The following CTNND2 variants were observed in gnomAD, a reference collection of about 807,000 sequenced individuals.
CTNND2 encodes the protein catenin delta-2.
A neutral mutation model predicts 144.4 loss-of-function variants in CTNND2; 22 were observed. That is an observed-to-expected ratio of 0.15 (90% CI 0.11 to 0.22). The LOEUF (loss-of-function observed/expected upper bound fraction) is 0.22, where lower values mean the gene tolerates loss of function less well. Ranked by LOEUF, CTNND2 falls within the 10% of genes least tolerant of loss-of-function variation. The pLI, the probability that CTNND2 is intolerant of heterozygous loss-of-function variation, is 1.00. For missense variants in CTNND2, 1,353 were observed against 1,618.8 expected (o/e 0.84, Z 2.82); for synonymous variants, 751 against 695.6 (o/e 1.08, Z -1.25).
intron 9 of CTNND2, among the ~76,000 whole-genome samples, chr5:11,262,679 G>A (rs189297892): frequency 0.014 from 2,102 of 146,748 alleles, 23 homozygotes; most frequent in Middle Eastern, 0.04. Context: ...GGAGAATGGC[G>A]TGAACCCAGG....
intron 11 of CTNND2, among the ~76,000 whole-genome samples, chr5:11,180,145 T>A (rs1189662305): frequency 2.6e-5 from 4 of 152,018 alleles, no homozygotes; most frequent in African/African-American, 9.7e-5. Flanking sequence ...GGGGGGTGGT[T>A]TCCCCCATGC....
rs576629535 is a variant in CTNND2, at chr5:11,898,711, C to A, written c.37+5106G>T. Among the ~76,000 whole-genome samples the A allele has an allele frequency of 8.5e-5, 13 of 152,180 alleles. No individual in the cohort carries two copies. In the East Asian group the frequency reaches 9.6e-4, roughly 11 times the overall value. ...ACTTTGATCCAAAAAAACAAAAAAACCCAGTAAGGCCTTTTATCATAACAT... is the reference window on the plus strand; with the variant it reads ...ACTTTGATCCAAAAAAACAAAAAAAACCAGTAAGGCCTTTTATCATAACAT... On this transcript the variant is annotated intron_variant, in intron 1 of 21. Transcript: ENST00000304623.
chr5:11,137,275 A>G (rs1268259802), intron 12 of CTNND2, among the ~76,000 whole-genome samples: 1 of 152,198 alleles, frequency 6.6e-6, no homozygotes, highest in East Asian at 1.9e-4. Context: ...TTTTATTGGG[A>G]GCATGTTGAT....
At chr5:11,100,537 T>C (rs980739146) in intron 14 of CTNND2, among the ~76,000 whole-genome samples, 4 of 152,166 alleles carry the variant, frequency 2.6e-5, no homozygotes, top group Non-Finnish European at 4.4e-5. Context: ...AAAAAGACAG[T>C]AGTCATTCTG....
chr5:11,323,189 C>G (rs896244481), intron 9 of CTNND2, among the ~76,000 whole-genome samples: 11 of 149,148 alleles, frequency 7.4e-5, no homozygotes, highest in Non-Finnish European at 1.5e-4. Flanking sequence ...CAGTGTGCAC[C>G]ACCACTGCCC....
chr5:11,134,601 C>T (rs1396487374), intron 12 of CTNND2, among the ~76,000 whole-genome samples: 1 of 152,210 alleles, frequency 6.6e-6, no homozygotes, highest in East Asian at 1.9e-4. Flanking sequence ...TAACGTATTT[C>T]AAAAGTTTTA....
intron 3 of CTNND2, among the ~76,000 whole-genome samples, chr5:11,447,255 T>C (rs1039622769): frequency 1.3e-5 from 2 of 151,804 alleles, no homozygotes; most frequent in Non-Finnish European, 2.9e-5. Flanking sequence ...GGCAGGAGAA[T>C]TGCTTGAACC....
intron 9 of CTNND2, among the ~76,000 whole-genome samples, chr5:11,261,126 G>T (rs547867030): frequency 3.3e-5 from 5 of 152,094 alleles, no homozygotes; most frequent in African/African-American, 4.8e-5. Flanking sequence ...CCTTGGCCCA[G>T]AAAGGACTTG....
intron 9 of CTNND2, among the ~76,000 whole-genome samples, chr5:11,299,819 C>G (rs1749397729): frequency 6.6e-6 from 1 of 152,148 alleles, no homozygotes; most frequent in Non-Finnish European, 1.5e-5. Context: ...GATCTGAAGT[C>G]TTGGACCTTC....
At chr5:11,499,686 C>T (rs1202240138) in intron 3 of CTNND2, among the ~76,000 whole-genome samples, 1 of 152,278 alleles carries the variant, frequency 6.6e-6, no homozygotes, top group Non-Finnish European at 1.5e-5. Flanking sequence ...AACCCTATCA[C>T]CTGATTTCAA....
chr5:11,018,899 G>T (rs1301599221), intron 17 of CTNND2, among the ~76,000 whole-genome samples: 1 of 151,938 alleles, frequency 6.6e-6, no homozygotes, highest in Non-Finnish European at 1.5e-5. Context: ...AGTAGAGATG[G>T]GGTTTCACCA....
At chr5:11,699,884 C>T (rs575585311) in intron 2 of CTNND2, among the ~76,000 whole-genome samples, 67 of 152,136 alleles carry the variant, frequency 4.4e-4, no homozygotes, top group Non-Finnish European at 7.4e-4. Context: ...TCAATCAAAT[C>T]CCCAGGTGGG....
intron 1 of CTNND2, among the ~76,000 whole-genome samples, chr5:11,841,017 T>A (rs2126982648): frequency 6.6e-6 from 1 of 152,300 alleles, no homozygotes; most frequent in East Asian, 1.9e-4. Context: ...ACATTTTCAT[T>A]GAATTCTCAC....
chr5:11,539,357 C>T (rs934336890), intron 3 of CTNND2, among the ~76,000 whole-genome samples: 6 of 152,296 alleles, frequency 3.9e-5, no homozygotes, highest in African/African-American at 1.2e-4. Context: ...CAGGGCCCAG[C>T]CCATGTCTGC....
intron 1 of CTNND2, among the ~76,000 whole-genome samples, chr5:11,739,151 T>C (rs1787858014): frequency 6.6e-6 from 1 of 152,182 alleles, no homozygotes; most frequent in Non-Finnish European, 1.5e-5. Flanking sequence ...AAGATCTCCA[T>C]CACTGCAGAA....
chr5:11,484,000 C>T (rs17216753), intron 3 of CTNND2, among the ~76,000 whole-genome samples: 15,663 of 152,122 alleles, frequency 0.1, 897 homozygotes, highest in Non-Finnish European at 0.13. Context: ...AGAATCAGTC[C>T]CAGTCAACAA....
intron 3 of CTNND2, among the ~76,000 whole-genome samples, chr5:11,526,345 T>C (rs1286506865): frequency 6.6e-6 from 1 of 152,238 alleles, no homozygotes; most frequent in Non-Finnish European, 1.5e-5. Flanking sequence ...ACTTAACTCT[T>C]GTTTATACCA....
chr5:11,370,368 T>A (rs1757358018), intron 7 of CTNND2, among the ~76,000 whole-genome samples: 1 of 152,114 alleles, frequency 6.6e-6, no homozygotes, highest in Non-Finnish European at 1.5e-5. Context: ...CCCCCGAGCC[T>A]CCTGGTTCTA....
At chr5:11,112,702 C>A (rs1419997696) in intron 13 of CTNND2, among the ~76,000 whole-genome samples, 1 of 152,180 alleles carries the variant, frequency 6.6e-6, no homozygotes, top group Non-Finnish European at 1.5e-5. Context: ...TGGCACAGTG[C>A]GGAGCTCCAG....
Sources: allele counts gnomAD v4.1 joint callset (sites outside exome capture counted in the v4.1 genomes callset), GRCh38; gene constraint gnomAD v4.1.1; transcripts MANE v1.5; gene names NCBI Gene and HGNC (gene_info 2026-07-23, HGNC 2026-07-21).